SEPTIN10: variants seen among roughly 807,000 people sequenced by gnomAD.
The protein encoded by SEPTIN10 is septin-10.
In SEPTIN10, 66 loss-of-function variants were observed where a neutral mutation model predicts 54.8. The ratio of observed to expected loss-of-function variants is 1.21; its 90% confidence interval spans 0.99 to 1.48. SEPTIN10 has a LOEUF of 1.48. Among genes scored for constraint, SEPTIN10 ranks in the 40% most tolerant of loss-of-function variants. SEPTIN10 has a pLI of 0.00. For synonymous variants in SEPTIN10, 161 were observed against 181.0 expected, an observed-to-expected ratio of 0.89 and a Z score of 0.89; for missense variants, 620 against 545.6, an observed-to-expected ratio of 1.14 and a Z score of -1.36.
chr2:109,569,755 A>G (rs1319387017), intron 5 of SEPTIN10, among the ~76,000 whole-genome samples: 1 of 152,216 alleles, frequency 6.6e-6, no homozygotes, highest in East Asian at 1.9e-4. Context: ...AAACTGCAGT[A>G]GACTGAATAC....
intron 1 of SEPTIN10, among the ~76,000 whole-genome samples, chr2:109,600,258 C>T (rs955586205): frequency 1.3e-5 from 2 of 152,122 alleles, no homozygotes; most frequent in Admixed American, 6.6e-5. Context: ...GCTTTCTCCC[C>T]AGCACCCACA....
At chr2:109,558,399 A>T (rs962471578) in intron 8 of SEPTIN10, among the ~76,000 whole-genome samples, 1 of 152,182 alleles carries the variant, frequency 6.6e-6, no homozygotes. Context: ...TCTTCCTTTC[A>T]AAGCTACAGG....
chr2:109,586,126 T>G (rs918151806), intron 2 of SEPTIN10, among the ~76,000 whole-genome samples: 1 of 152,226 alleles, frequency 6.6e-6, no homozygotes, highest in Non-Finnish European at 1.5e-5. Context: ...TATGGCATAT[T>G]CACTTACAAA....
At chr2:109,575,164 T>C (rs1558792134) in intron 4 of SEPTIN10, among the ~76,000 whole-genome samples, 1 of 152,232 alleles carries the variant, frequency 6.6e-6, no homozygotes, top group Non-Finnish European at 1.5e-5. Context: ...CTCATAGTCA[T>C]TCACATGCTG....
At chr2:109,585,870 A>AT (rs1203647073) in intron 2 of SEPTIN10, 32 bp from the exon 3 acceptor site, 3 of 1,565,072 alleles carry the variant, frequency 1.9e-6, no homozygotes, top group Admixed American at 1.7e-5. Flanking sequence ...AACAACAGCA[A>AT]TAAAAAAAAC....
intron 6 of SEPTIN10, among the ~76,000 whole-genome samples, chr2:109,566,670 A>T (rs1687114796): frequency 1.3e-5 from 2 of 152,082 alleles, no homozygotes; most frequent in South Asian, 4.2e-4. Context: ...GGAGTGAGAG[A>T]TCACTAGGAG....
At chr2:109,584,100 C>A (rs111816626) in intron 4 of SEPTIN10, among the ~76,000 whole-genome samples, 7 of 152,036 alleles carry the variant, frequency 4.6e-5, no homozygotes, top group Admixed American at 1.3e-4. Flanking sequence ...ACACAATATA[C>A]CCATGTAATA....
At chr2:109,566,283 G>C (rs959463934) in intron 6 of SEPTIN10, among the ~76,000 whole-genome samples, 1 of 151,844 alleles carries the variant, frequency 6.6e-6, no homozygotes, top group Non-Finnish European at 1.5e-5. Context: ...ACAACATCCA[G>C]CTAATTTTTG....
intron 9 of SEPTIN10, among the ~76,000 whole-genome samples, chr2:109,551,210 C>G (rs1410360839): frequency 6.6e-6 from 1 of 152,184 alleles, no homozygotes; most frequent in East Asian, 1.9e-4. Context: ...AAGCACACAT[C>G]ATTTTACAAA....
intron 5 of SEPTIN10, among the ~76,000 whole-genome samples, chr2:109,573,067 C>T (rs1688781226): frequency 6.6e-6 from 1 of 152,186 alleles, no homozygotes; most frequent in African/African-American, 2.4e-5. Flanking sequence ...ACTTCTATGG[C>T]AGATAGGCTC....
At chr2:109,560,847 A>T (rs191364374) in intron 8 of SEPTIN10, among the ~76,000 whole-genome samples, 1 of 152,186 alleles carries the variant, frequency 6.6e-6, no homozygotes, top group East Asian at 1.9e-4. Flanking sequence ...TCACTTTATT[A>T]TATCCAAACA....
At chr2:109,568,305 C>CA (rs1322600586) in intron 5 of SEPTIN10, among the ~76,000 whole-genome samples, 1 of 151,854 alleles carries the variant, frequency 6.6e-6, no homozygotes, top group Non-Finnish European at 1.5e-5. Flanking sequence ...AACCCTGACC[C>CA]AGATGGCCAT....
intron 2 of SEPTIN10, among the ~76,000 whole-genome samples, chr2:109,586,405 CTT>C (rs1692549149): frequency 6.6e-6 from 1 of 151,228 alleles, no homozygotes; most frequent in African/African-American, 2.4e-5. Context: ...GTTTATCTAG[CTT>C]TTTCCCTGAA....
intron 4 of SEPTIN10, among the ~76,000 whole-genome samples, chr2:109,584,321 CA>C (rs947158832): frequency 6.6e-6 from 1 of 150,846 alleles, no homozygotes; most frequent in Non-Finnish European, 1.5e-5. Flanking sequence ...ACTAAAAACA[CA>C]AAAAAAATTA....
In SEPTIN10 at chr2:109,574,645, A is replaced by G. The variant is rs1313722630; in HGVS notation, c.536T>C (p.Ile179Thr). Residue 179 changes from isoleucine (I) to threonine (T), a missense_variant, in exon 5 of 11, where the codon ATT becomes ACT. Transcript: ENST00000397712. The part of the protein sequence containing the change: ...DSRIHVCLYF[I>T]SPTGHSLKTL... ...CTTCAGAGAGTGGCCTGTCGGTGAAATGAAGTAGAGACACACATGGATGCG... is the reference window on the plus strand; with the variant it reads ...CTTCAGAGAGTGGCCTGTCGGTGAAGTGAAGTAGAGACACACATGGATGCG... 6.2e-7 allele frequency: 1 copy of G among 1,605,396 alleles called. No homozygotes were observed. The highest frequency in any genetic ancestry group is 1.7e-5 in the Admixed American group (1 of 58,702).
In SEPTIN10 at chr2:109,557,036, C is replaced by T. The variant is rs1007943404; in HGVS notation, c.1029-3817G>A. On this transcript the variant is annotated intron_variant, in intron 8 of 10. Coordinates refer to ENST00000397712, the MANE Select transcript of SEPTIN10 (RefSeq NM_144710.5). ...GAGCCTGTTGTGGGGTGGGGAGAGG[C>T]GGGAGGGATAGCATTAGGAGATATA... is the stretch of plus-strand genomic sequence containing the variant. 2.0e-5 allele frequency among the ~76,000 whole-genome samples: 3 copies of T among 151,664 alleles called. No individual in the cohort carries two copies. The East Asian group carries it at 5.8e-4, about 29-fold the overall frequency.
chr2:109,546,251 T>A lies in SEPTIN10; in HGVS notation c.1162-14A>T, dbSNP rs543405732. 9 of 1,526,232 alleles carry A rather than the reference T, an allele frequency of 5.9e-6. No homozygotes were observed. The highest frequency in any genetic ancestry group is 7.9e-6 in the Non-Finnish European group (9 of 1,138,160). The allele number at this position is 1,526,232 out of a possible 1,614,324, so 94.5% of individuals were successfully genotyped here. A position where few individuals can be genotyped will look rare whatever the true frequency, so the allele number is the denominator to read the frequency against. On this transcript the variant is annotated splice_polypyrimidine_tract_variant and intron_variant, in intron 9 of 10. Transcript: ENST00000397712. ...TTTGGCCTGTAGCTGGAAACAAAAG[T>A]GCAATCCCCACTACTGACACAGCGC...
At position 109,557,566 on chromosome 2, in the gene SEPTIN10, G is replaced by T. The variant is rs542878954; in HGVS notation, c.1029-4347C>A. 2.6e-5 allele frequency among the ~76,000 whole-genome samples: 4 copies of T among 152,350 alleles called. No homozygotes were observed. The South Asian group carries it at 8.3e-4, about 32-fold the overall frequency. ...ATTGCCCCAATGTGGTGTCTCAGCA[G>T]GAGAAAGTAATGGACTGCTTCTGCA... On this transcript the variant is annotated intron_variant, in intron 8 of 10. Coordinates refer to ENST00000397712, the MANE Select transcript of SEPTIN10 (RefSeq NM_144710.5).
chr2:109,612,372 A>C (rs1467509312), intron 1 of SEPTIN10, among the ~76,000 whole-genome samples: 1 of 152,194 alleles, frequency 6.6e-6, no homozygotes. Flanking sequence ...TCCTGGGAAC[A>C]TCCTTTATCT....
Sources: gnomAD v4.1 joint callset for allele counts (sites outside exome capture counted in the v4.1 genomes callset) on GRCh38, gnomAD v4.1.1 for gene constraint, MANE v1.5 for transcripts, NCBI Gene and HGNC (gene_info 2026-07-23, HGNC 2026-07-21) for gene names.